MAP3K7CL: variants seen among roughly 807,000 people sequenced by gnomAD.
MAP3K7CL encodes MAP3K7 C-terminal-like protein.
Under a neutral mutation model 18.6 loss-of-function variants are expected in MAP3K7CL, and 16 were observed. The observed-to-expected ratio is 0.86, with a 90% CI of 0.58 to 1.31. MAP3K7CL has a LOEUF of 1.31. MAP3K7CL is among the 50% of genes most tolerant of loss of function. The pLI, the probability that MAP3K7CL is intolerant of heterozygous loss-of-function variation, is 0.00. For synonymous variants in MAP3K7CL, 65 were observed against 66.8 expected (o/e 0.97, Z 0.13); for missense variants, 163 against 174.4 (o/e 0.93, Z 0.37).
At chr21:29,172,256 T>C (rs1261222797) in intron 4 of MAP3K7CL, among the ~76,000 whole-genome samples, 2 of 151,328 alleles carry the variant, frequency 1.3e-5, no homozygotes, top group East Asian at 3.9e-4. Flanking sequence ...TTTTTTTTTT[T>C]TTTTTGGTTT....
At chr21:29,171,516 G>C (rs928142221) in intron 4 of MAP3K7CL, among the ~76,000 whole-genome samples, 2 of 152,242 alleles carry the variant, frequency 1.3e-5, no homozygotes, top group African/African-American at 4.8e-5. Context: ...AATTGCAAAA[G>C]TAGTATAGAG....
intron 4 of MAP3K7CL, among the ~76,000 whole-genome samples, chr21:29,104,210 G>A (rs2086280982): frequency 6.6e-6 from 1 of 152,076 alleles, no homozygotes; most frequent in African/African-American, 2.4e-5. Context: ...GGTCCCAGCA[G>A]CATCAGCACC....
Position 29,092,715 on chromosome 21 carries a change from C to T in MAP3K7CL, c.370+134C>T, listed in dbSNP as rs1267073588. 1.9e-5 allele frequency: 18 copies of T among 944,112 alleles called. No homozygotes were observed. In the East Asian group the frequency reaches 2.1e-4, roughly 11 times the overall value. The allele number at this position is 944,112 out of a possible 1,614,324, so 58.5% of individuals were successfully genotyped here. On this transcript the variant is annotated intron_variant, in intron 4 of 6. Transcript: ENST00000286791. ...GGGTCAGAGCAGGACAATGGCTCTACGACGTGCTGGGTGTTCTTCTATCTC... is the reference window on the plus strand; with the variant it reads ...GGGTCAGAGCAGGACAATGGCTCTATGACGTGCTGGGTGTTCTTCTATCTC...
At chr21:29,135,062 A>G (rs1046475906) in intron 2 of MAP3K7CL, among the ~76,000 whole-genome samples, 2 of 100,882 alleles carry the variant, frequency 2.0e-5, no homozygotes, top group Admixed American at 2.3e-4. Context: ...AAAAAAAAAC[A>G]AAAAAAACAA....
intron 4 of MAP3K7CL, among the ~76,000 whole-genome samples, chr21:29,123,570 G>A (rs1307696077): frequency 6.6e-6 from 1 of 152,178 alleles, no homozygotes; most frequent in Non-Finnish European, 1.5e-5. Flanking sequence ...AAAAGAGGGA[G>A]GAAGAGTAAT....
At chr21:29,144,583 C>G (rs1351390213) in intron 2 of MAP3K7CL, among the ~76,000 whole-genome samples, 1 of 152,060 alleles carries the variant, frequency 6.6e-6, no homozygotes, top group African/African-American at 2.4e-5. Context: ...GGGGACACCC[C>G]TTAGTCTTAC....
intron 4 of MAP3K7CL, among the ~76,000 whole-genome samples, chr21:29,164,019 G>A (rs1019540086): frequency 2.0e-5 from 3 of 151,414 alleles, no homozygotes; most frequent in South Asian, 4.2e-4. Context: ...AAAATTGCTC[G>A]AACTCGGGAG....
At chr21:29,144,315 C>T (rs950775050) in intron 2 of MAP3K7CL, among the ~76,000 whole-genome samples, 4 of 152,128 alleles carry the variant, frequency 2.6e-5, no homozygotes, top group African/African-American at 9.7e-5. Flanking sequence ...CAGGCATGTG[C>T]CACCAAGCCA....
intron 4 of MAP3K7CL, among the ~76,000 whole-genome samples, chr21:29,108,292 G>C (rs1172427006): frequency 6.6e-6 from 1 of 152,172 alleles, no homozygotes; most frequent in African/African-American, 2.4e-5. Context: ...GTCATGTGAG[G>C]ACATAGCAAG....
chr21:29,091,318 AGAG>A (rs1383440748), intron 1 of MAP3K7CL, among the ~76,000 whole-genome samples: 1 of 152,194 alleles, frequency 6.6e-6, no homozygotes, highest in Admixed American at 6.5e-5. Flanking sequence ...GTTCCCTCTA[AGAG>A]ACTGTCGTTT....
At chr21:29,146,570 T>C (rs551164238) in intron 2 of MAP3K7CL, among the ~76,000 whole-genome samples, 1 of 152,342 alleles carries the variant, frequency 6.6e-6, no homozygotes, top group East Asian at 1.9e-4. Context: ...GCCTTGGGAC[T>C]GAATCTCAGT....
chr21:29,116,002 C>T (rs1028891098), intron 4 of MAP3K7CL, among the ~76,000 whole-genome samples: 4 of 152,208 alleles, frequency 2.6e-5, no homozygotes, highest in Admixed American at 1.3e-4. Context: ...GCCTTGGATT[C>T]GATCTGTTCC....
rs577326346 is a variant in MAP3K7CL at position 29,155,940 on chromosome 21, G to C, written c.133-4001G>C. On this transcript the variant is annotated intron_variant, in intron 3 of 4. Coordinates refer to ENST00000399928, the MANE Select transcript of MAP3K7CL (RefSeq NM_001286620.2). ...TATAGTAAACCAGATACGATGGCAG[G>C]GAGTGCATCTGAAAAGCTGCTGCTG... is the stretch of plus-strand genomic sequence containing the variant. 5.3e-5 allele frequency among the ~76,000 whole-genome samples: 8 copies of C among 152,278 alleles called. No individual in the cohort carries two copies. In the East Asian group the frequency reaches 1.2e-3, roughly 22 times the overall value.
At chr21:29,085,870 C>G in exon 1 of MAP3K7CL, 1 of 1,614,148 alleles carries the variant, frequency 6.2e-7, no homozygotes, top group Non-Finnish European at 8.5e-7. Context: ...GATGGTTCAG[C>G]TGATTGCACC....
At chr21:29,170,648 C>CT (rs1233721598) in intron 4 of MAP3K7CL, among the ~76,000 whole-genome samples, 8 of 146,518 alleles carry the variant, frequency 5.5e-5, no homozygotes, top group East Asian at 2.0e-4. Context: ...TTTTTTTTTT[C>CT]TTTTTTTTTG....
intron 1 of MAP3K7CL, among the ~76,000 whole-genome samples, chr21:29,087,458 A>G (rs978336365): frequency 9.9e-5 from 15 of 152,200 alleles, no homozygotes; most frequent in African/African-American, 3.6e-4. Context: ...TAAGTGTTCA[A>G]TAAATGAATG....
chr21:29,168,577 T>G (rs1011246829), intron 4 of MAP3K7CL, among the ~76,000 whole-genome samples: 1 of 152,188 alleles, frequency 6.6e-6, no homozygotes, highest in Admixed American at 6.5e-5. Context: ...TCACAATGAT[T>G]TGGGTATTTT....
chr21:29,101,297 A>G (rs2086225853), intron 4 of MAP3K7CL, among the ~76,000 whole-genome samples: 1 of 152,196 alleles, frequency 6.6e-6, no homozygotes, highest in African/African-American at 2.4e-5. Flanking sequence ...CTGCTTCATA[A>G]TGATTGATTT....
In MAP3K7CL at chr21:29,160,140, T is replaced by C; in HGVS notation, c.248+84T>C. 5 of 1,037,122 alleles carry C rather than the reference T, an allele frequency of 4.8e-6. No individual in the cohort carries two copies. In the Admixed American group the frequency reaches 9.0e-5, roughly 19 times the overall value. 64.2% of individuals were successfully genotyped at this position (1,037,122 alleles called of 1,614,324 possible). On this transcript the variant is annotated intron_variant, in intron 4 of 4. Coordinates refer to ENST00000399928, the MANE Select transcript of MAP3K7CL (RefSeq NM_001286620.2). ...GGCAATGGGCAGGGGACAGGCTGAG[T>C]GTGAGGATGACAGGGAGGCAAGGGG... is the stretch of plus-strand genomic sequence containing the variant.
Sources: gnomAD v4.1 joint callset for allele counts (sites outside exome capture counted in the v4.1 genomes callset) on GRCh38, gnomAD v4.1.1 for gene constraint, MANE v1.5 for transcripts, NCBI Gene and HGNC (gene_info 2026-07-23, HGNC 2026-07-21) for gene names.